The following ASIC1 variants were observed in gnomAD, a reference collection of about 807,000 sequenced individuals.
The protein encoded by ASIC1 is acid sensing ion channel subunit 1.
Under a neutral mutation model 63.4 loss-of-function variants are expected in ASIC1, and 21 were observed. That is an observed-to-expected ratio of 0.33 (90% CI 0.23 to 0.48). The LOEUF (loss-of-function observed/expected upper bound fraction) is 0.48, where lower values mean the gene tolerates loss of function less well. Ranked by LOEUF, ASIC1 falls within the 20% of genes least tolerant of loss-of-function variation. The pLI, the probability that ASIC1 is intolerant of heterozygous loss-of-function variation, is 0.99. For synonymous variants in ASIC1, 258 were observed against 278.2 expected (o/e 0.93, Z 0.72); for missense variants, 478 against 695.5 (o/e 0.69, Z 3.52).
chr12:50,078,373 T>G lies in ASIC1; in HGVS notation c.838-48T>G, dbSNP rs1384587562. The G allele has an allele frequency of 1.2e-6, 2 of 1,606,648 alleles. No homozygotes were observed. Among genetic ancestry groups the G allele is most frequent in the East Asian group, 2.2e-5 (1 of 44,852 alleles). ...TGTCAGAGGAGTCCATCAAGCTGAT[T>G]TGGGGAGAAGTCCCCGCACTCCCCC... is the stretch of plus-strand genomic sequence containing the variant. On this transcript the variant is annotated intron_variant, in intron 5 of 11. Coordinates refer to ENST00000447966, the MANE Select transcript of ASIC1 (RefSeq NM_001095.4). This position sits in a 1 kb window ranked among gnomAD's most constrained non-coding sequence, Gnocchi z 6.0.
chr12:50,078,805 G>T lies in ASIC1; in HGVS notation c.995-119G>T. 2 of 1,350,810 alleles carry T rather than the reference G, an allele frequency of 1.5e-6. No individual in the cohort carries two copies. Among genetic ancestry groups the T allele is most frequent in the Non-Finnish European group, 2.1e-6 (2 of 945,372 alleles). The allele number at this position is 1,350,810 out of a possible 1,614,324, so 83.7% of individuals were successfully genotyped here. The stretch of plus-strand genomic sequence containing the variant: ...GGGTCACTTCTGGGGCAGCATGGGG[G>T]CCTGCCAGTCCTCCCTTCCCATCTT... On this transcript the variant is annotated intron_variant, in intron 6 of 11. Transcript: ENST00000447966. This position sits in a 1 kb window ranked among gnomAD's most constrained non-coding sequence, Gnocchi z 6.0.
At chr12:50,068,927 C>T (rs1232076242) in intron 3 of ASIC1, among the ~76,000 whole-genome samples, 1 of 152,170 alleles carries the variant, frequency 6.6e-6, no homozygotes, top group Non-Finnish European at 1.5e-5. Context: ...CTTCTATATC[C>T]TTCACTCTGC....
At position 50,077,992 on chromosome 12, in the gene ASIC1, T is replaced by A; in HGVS notation, c.710-8T>A. On this transcript the variant is annotated splice_region_variant and splice_polypyrimidine_tract_variant and intron_variant, in intron 4 of 11. Coordinates refer to ENST00000447966, the MANE Select transcript of ASIC1 (RefSeq NM_001095.4). The stretch of plus-strand genomic sequence containing the variant: ...CCCTCCCAACCCACACACTCCTCAT[T>A]CCCCTAGACGAGACGTCCTTCGAAG... The A allele has an allele frequency of 6.2e-7, 1 of 1,606,432 alleles. No homozygotes were observed. Among genetic ancestry groups the A allele is most frequent in the Non-Finnish European group, 8.5e-7 (1 of 1,175,856 alleles).
chr12:50,079,092 C>A (rs1264420919), intron 7 of ASIC1, 112 bp downstream of exon 7: 16 of 1,044,866 alleles, frequency 1.5e-5, no homozygotes, highest in Non-Finnish European at 2.2e-5. Flanking sequence ...CTGGACTGGG[C>A]TGCACCCTCT....
intron 3 of ASIC1, among the ~76,000 whole-genome samples, chr12:50,064,586 G>C (rs112790739): frequency 6.6e-5 from 10 of 152,306 alleles, no homozygotes; most frequent in African/African-American, 2.2e-4. Flanking sequence ...CCTGGAAGTG[G>C]AGGGCTGGGG....
chr12:50,060,872 C>G lies in ASIC1; in HGVS notation c.558+918C>G, dbSNP rs77260953. On this transcript the variant is annotated intron_variant, in intron 3 of 11. Coordinates refer to ENST00000447966, the MANE Select transcript of ASIC1 (RefSeq NM_001095.4). ...CCAAATGAATGGACAATGCTTGTAACTCTTTCAAATGCTTTCTAGGCTCCC... is the reference window on the plus strand; with the variant it reads ...CCAAATGAATGGACAATGCTTGTAAGTCTTTCAAATGCTTTCTAGGCTCCC... Among the ~76,000 whole-genome samples, 11 of 152,342 alleles carry G rather than the reference C, an allele frequency of 7.2e-5. No individual in the cohort carries two copies. The East Asian group carries it at 2.1e-3, about 29-fold the overall frequency.
chr12:50,058,147 C>T (rs536208867), intron 1 of ASIC1, among the ~76,000 whole-genome samples: 1 of 152,134 alleles, frequency 6.6e-6, no homozygotes, highest in African/African-American at 2.4e-5. Context: ...CATACATCCA[C>T]CTCGGGCAGC....
chr12:50,076,991 G>T (rs569857458), intron 3 of ASIC1: 20 of 731,724 alleles, frequency 2.7e-5, no homozygotes, highest in Admixed American at 6.1e-5. Flanking sequence ...TGGCAAAGGA[G>T]CTCAGGCGAT....
At chr12:50,064,592 T>G (rs1950529592) in intron 3 of ASIC1, among the ~76,000 whole-genome samples, 1 of 152,100 alleles carries the variant, frequency 6.6e-6, no homozygotes, top group South Asian at 2.1e-4. Flanking sequence ...AGTGGAGGGC[T>G]GGGGAGGAGC....
intron 3 of ASIC1, chr12:50,073,927 C>G: frequency 6.5e-7 from 1 of 1,535,894 alleles, no homozygotes; most frequent in Non-Finnish European, 8.7e-7. Context: ...TGCTTATTAC[C>G]TCAGCTACCC....
At chr12:50,072,544 A>T (rs1190824289) in intron 3 of ASIC1, among the ~76,000 whole-genome samples, 2 of 151,652 alleles carry the variant, frequency 1.3e-5, no homozygotes, top group Non-Finnish European at 2.9e-5. Flanking sequence ...GGTTCCCAAT[A>T]CTCTCTACCT....
chr12:50,080,788 C>T, intron 9 of ASIC1, 199 bp downstream of exon 9: 3 of 1,471,906 alleles, frequency 2.0e-6, no homozygotes, highest in Non-Finnish European at 2.8e-6. Flanking sequence ...AGAGAAAAGA[C>T]AGGCCTGTGG....
chr12:50,077,993 C>T lies in ASIC1; in HGVS notation c.710-7C>T. On this transcript the variant is annotated splice_region_variant and splice_polypyrimidine_tract_variant and intron_variant, in intron 4 of 11. Transcript: ENST00000447966. Reference sequence around the variant, plus strand: ...CCTCCCAACCCACACACTCCTCATTCCCCTAGACGAGACGTCCTTCGAAGC... The same window carrying T: ...CCTCCCAACCCACACACTCCTCATTTCCCTAGACGAGACGTCCTTCGAAGC... 1 of 1,607,340 alleles carries T rather than the reference C, an allele frequency of 6.2e-7. No individual in the cohort carries two copies. Among genetic ancestry groups the T allele is most frequent in the Non-Finnish European group, 8.5e-7 (1 of 1,176,236 alleles).
In ASIC1 at chr12:50,078,273, A is replaced by G; in HGVS notation, c.837+146A>G. 1 of 1,507,464 alleles carries G rather than the reference A, an allele frequency of 6.6e-7. No homozygotes were observed. The highest frequency in any genetic ancestry group is 8.9e-7 in the Non-Finnish European group (1 of 1,117,356). 93.4% of individuals were successfully genotyped at this position (1,507,464 alleles called of 1,614,324 possible). A position where few individuals can be genotyped will look rare whatever the true frequency, so the allele number is the denominator to read the frequency against. On this transcript the variant is annotated intron_variant, in intron 5 of 11. Coordinates refer to ENST00000447966, the MANE Select transcript of ASIC1 (RefSeq NM_001095.4). This position sits in a 1 kb window ranked among gnomAD's most constrained non-coding sequence, Gnocchi z 6.0. ...AGAAGCATGAGTGATCGAATGAACA[A>G]GAATGCTCTGTAAACTCTGAGACCT...
At chr12:50,066,299 G>A (rs1950545102) in intron 3 of ASIC1, among the ~76,000 whole-genome samples, 3 of 152,124 alleles carry the variant, frequency 2.0e-5, no homozygotes, top group Non-Finnish European at 2.9e-5. Context: ...TCACACAGCT[G>A]GGAAATGACA....
chr12:50,071,602 A>G (rs934867506), intron 3 of ASIC1, among the ~76,000 whole-genome samples: 1 of 151,940 alleles, frequency 6.6e-6, no homozygotes, highest in Non-Finnish European at 1.5e-5. Context: ...TTGTGGGGCT[A>G]CAAGAGAGGA....
chr12:50,080,968 C>A, intron 9 of ASIC1, 134 bp from the exon 10 acceptor site: 1 of 892,786 alleles, frequency 1.1e-6, no homozygotes, highest in Non-Finnish European at 1.7e-6. Context: ...CCACCTGAAT[C>A]TGGCTTTGCG....
chr12:50,071,714 C>T (rs574248002), intron 3 of ASIC1, among the ~76,000 whole-genome samples: 5 of 152,228 alleles, frequency 3.3e-5, no homozygotes, highest in Admixed American at 2.6e-4. Flanking sequence ...GGTGCGATCT[C>T]GGCTCACTGC....
intron 1 of ASIC1, 139 bp from the exon 2 acceptor site, chr12:50,058,612 G>C: frequency 8.6e-7 from 1 of 1,158,858 alleles, no homozygotes; most frequent in Non-Finnish European, 1.2e-6. Context: ...GCCACCTCTG[G>C]GCTTGCAAAG....
Sources: allele counts gnomAD v4.1 joint callset (sites outside exome capture counted in the v4.1 genomes callset), GRCh38; gene constraint gnomAD v4.1.1; non-coding constraint Gnocchi (gnomAD v3.1); transcripts MANE v1.5; gene names NCBI Gene and HGNC (gene_info 2026-07-23, HGNC 2026-07-21).